The following SLC25A13 variants were observed in gnomAD, a reference collection of about 807,000 sequenced individuals.
SLC25A13 encodes electrogenic aspartate/glutamate antiporter SLC25A13, mitochondrial.
In SLC25A13, 70 loss-of-function variants were observed where a neutral mutation model predicts 85.5. The ratio of observed to expected loss-of-function variants is 0.82; its 90% CI spans 0.68 to 1.00. The LOEUF (loss-of-function observed/expected upper bound fraction) is 1.00. Among genes scored for constraint, SLC25A13 ranks in the 50% least tolerant of loss-of-function variants. The probability of loss-of-function intolerance (pLI) is 0.00; values close to 1 mark genes in which losing one functional copy is unlikely to be tolerated. For synonymous variants in SLC25A13, 259 were observed against 288.7 expected (o/e 0.90, Z 1.04); for missense variants, 765 against 819.8 (o/e 0.93, Z 0.82).
intron 14 of SLC25A13, among the ~76,000 whole-genome samples, chr7:96,134,808 TATATAA>T (rs1792200176): frequency 6.9e-6 from 1 of 145,500 alleles, no homozygotes; most frequent in African/African-American, 2.6e-5. Context: ...TATATATATA[TATATAA>T]CCCTGAGGAA....
chr7:96,182,476 T>G (rs1463035554), intron 11 of SLC25A13, among the ~76,000 whole-genome samples: 4 of 152,166 alleles, frequency 2.6e-5, no homozygotes, highest in Non-Finnish European at 4.4e-5. Context: ...AGGAAAAGGG[T>G]GAAGAGCTGC....
At chr7:96,141,014 TCTTTC>T (rs1562789747) in intron 14 of SLC25A13, among the ~76,000 whole-genome samples, 2 of 138,266 alleles carry the variant, frequency 1.4e-5, no homozygotes, top group African/African-American at 5.5e-5. Flanking sequence ...CTTTCTTTTT[TCTTTC>T]TTTTTTTTTT....
intron 15 of SLC25A13, among the ~76,000 whole-genome samples, chr7:96,126,946 C>G (rs1791753264): frequency 6.6e-6 from 1 of 152,080 alleles, no homozygotes. Flanking sequence ...CAGTAGTTTT[C>G]TCATAATACA....
chr7:96,292,256 A>C (rs1477054004), intron 2 of SLC25A13, among the ~76,000 whole-genome samples: 1 of 152,190 alleles, frequency 6.6e-6, no homozygotes, highest in Admixed American at 6.6e-5. Flanking sequence ...CTCTCAATAA[A>C]TTAGGTAAAG....
chr7:96,232,983 C>T (rs1796611659), intron 4 of SLC25A13, among the ~76,000 whole-genome samples: 1 of 152,182 alleles, frequency 6.6e-6, no homozygotes, highest in Non-Finnish European at 1.5e-5. Context: ...CACACTTTGC[C>T]CTGCAATGGT....
At chr7:96,165,048 T>C (rs1793688097) in intron 13 of SLC25A13, among the ~76,000 whole-genome samples, 1 of 152,130 alleles carries the variant, frequency 6.6e-6, no homozygotes, top group African/African-American at 2.4e-5. Flanking sequence ...ATTCTTTCAT[T>C]TAACCAATAT....
At chr7:96,270,838 G>C (rs1798213698) in intron 3 of SLC25A13, among the ~76,000 whole-genome samples, 1 of 152,138 alleles carries the variant, frequency 6.6e-6, no homozygotes, top group Non-Finnish European at 1.5e-5. Flanking sequence ...CTCTCCAAAG[G>C]CTCTTGCGGA....
intron 13 of SLC25A13, among the ~76,000 whole-genome samples, chr7:96,159,690 A>T (rs915599942): frequency 2.0e-5 from 3 of 151,854 alleles, no homozygotes; most frequent in African/African-American, 7.2e-5. Flanking sequence ...GCAATATAGA[A>T]TTTTTTTTTC....
At chr7:96,200,119 T>A (rs1371239948) in intron 5 of SLC25A13, among the ~76,000 whole-genome samples, 1 of 152,134 alleles carries the variant, frequency 6.6e-6, no homozygotes, top group Non-Finnish European at 1.5e-5. Context: ...GAACCCTGGT[T>A]AATTTGCATT....
chr7:96,265,392 A>G, intron 3 of SLC25A13, among the ~76,000 whole-genome samples: 1 of 152,328 alleles, frequency 6.6e-6, no homozygotes, highest in South Asian at 2.1e-4. Flanking sequence ...AAGATGAAAC[A>G]TGAAAATTTT....
chr7:96,316,043 G>C (rs1028187832), intron 1 of SLC25A13, among the ~76,000 whole-genome samples: 1 of 152,048 alleles, frequency 6.6e-6, no homozygotes, highest in African/African-American at 2.4e-5. Context: ...AGGATCTCTT[G>C]TATCCACGAG....
At position 96,242,461 on chromosome 7, in the gene SLC25A13, C is replaced by A. The variant is rs925501177; in HGVS notation, c.213-7544G>T. ...ATTCTAAGACCCCTTGATGGACTTC[C>A]TTCTTAGCCAAGGCACTCTTCAAAT... is the stretch of plus-strand genomic sequence containing the variant. On this transcript the variant is annotated intron_variant, in intron 3 of 17. Coordinates refer to ENST00000265631, the MANE Select transcript of SLC25A13 (RefSeq NM_014251.3). Among the ~76,000 whole-genome samples the A allele has an allele frequency of 1.1e-4, 16 of 152,214 alleles. 1 individual carries two copies. The highest frequency in any genetic ancestry group is 1.3e-4 in the Admixed American group (2 of 15,288).
intron 4 of SLC25A13, among the ~76,000 whole-genome samples, chr7:96,218,368 T>G (rs1795978176): frequency 6.6e-6 from 1 of 152,314 alleles, no homozygotes; most frequent in African/African-American, 2.4e-5. Context: ...CTCCACTCTT[T>G]TCTCTGAAGA....
At chr7:96,166,857 C>G (rs546815649) in intron 13 of SLC25A13, 1 of 152,082 alleles carries the variant, frequency 6.6e-6, no homozygotes, top group African/African-American at 2.4e-5. Context: ...TCTAAAGGTG[C>G]CAAGTTTTTG....
intron 15 of SLC25A13, among the ~76,000 whole-genome samples, chr7:96,123,826 C>T (rs577024773): frequency 9.8e-5 from 15 of 152,316 alleles, no homozygotes; most frequent in Middle Eastern, 3.4e-3. Flanking sequence ...CACCAGAGAG[C>T]TGTTGATTTT....
chr7:96,157,755 T>C (rs796143936), intron 13 of SLC25A13, among the ~76,000 whole-genome samples: 14 of 152,190 alleles, frequency 9.2e-5, no homozygotes, highest in African/African-American at 3.4e-4. Flanking sequence ...GAGCCAAGAT[T>C]ACACCACTGC....
chr7:96,168,094 G>T (rs1482511120), intron 13 of SLC25A13, among the ~76,000 whole-genome samples: 2 of 41,970 alleles, frequency 4.8e-5, no homozygotes, highest in Non-Finnish European at 9.0e-5. Context: ...GCGAAACTCT[G>T]TCTGAAAAAA....
intron 1 of SLC25A13, among the ~76,000 whole-genome samples, chr7:96,305,531 ATT>A (rs1212602089): frequency 1.3e-5 from 2 of 152,148 alleles, no homozygotes; most frequent in Non-Finnish European, 2.9e-5. Flanking sequence ...GCCCAATATA[ATT>A]TGTTACATAT....
intron 3 of SLC25A13, among the ~76,000 whole-genome samples, chr7:96,267,018 G>A (rs1798063436): frequency 6.6e-6 from 1 of 152,200 alleles, no homozygotes; most frequent in Non-Finnish European, 1.5e-5. Flanking sequence ...AATTTTAGAT[G>A]TTTATCTGAA....
Sources: gnomAD v4.1 joint callset for allele counts (sites outside exome capture counted in the v4.1 genomes callset) on GRCh38, gnomAD v4.1.1 for gene constraint, MANE v1.5 for transcripts, NCBI Gene and HGNC (gene_info 2026-07-23, HGNC 2026-07-21) for gene names.